DYSF: variants seen among roughly 807,000 people sequenced by gnomAD.
The protein encoded by DYSF is dystrophy-associated fer-1-like 1.
Under a neutral mutation model 274.9 loss-of-function variants are expected in DYSF, and 212 were observed. The ratio of observed to expected loss-of-function variants is 0.77; its 90% CI spans 0.69 to 0.86. The LOEUF is 0.86. Among genes scored for constraint, DYSF ranks in the 40% least tolerant of loss-of-function variants. The pLI is 0.00. For missense variants in DYSF, 2,666 were observed against 2,783.2 expected (o/e 0.96, Z 0.95); for synonymous variants, 1,091 against 1,078.7 (o/e 1.01, Z -0.22).
At chr2:71,664,149 G>A (rs554504671) in intron 45 of DYSF, 119 bp from the exon 46 acceptor site, 1 of 1,310,376 alleles carries the variant, frequency 7.6e-7, no homozygotes, top group Non-Finnish European at 1.1e-6. Flanking sequence ...GGGCCTGTAA[G>A]ATCTGTAGGG....
At chr2:71,481,358 G>T (rs1199167048) in intron 2 of DYSF, among the ~76,000 whole-genome samples, 1 of 152,182 alleles carries the variant, frequency 6.6e-6, no homozygotes, top group Non-Finnish European at 1.5e-5. Context: ...TGCATACATG[G>T]CTCCCGGGTG....
In DYSF at chr2:71,670,144, C is replaced by A. The variant is rs76992646; in HGVS notation, c.5784+398C>A. ...CACCATCTCTGCATCCACCCCTTTT[C>A]CACTCTCTTCCACCATCTTTCCCAT... On this transcript the variant is annotated intron_variant, in intron 51 of 55. Coordinates refer to ENST00000410020, the MANE Select transcript of DYSF (RefSeq NM_001130987.2). Among the ~76,000 whole-genome samples the A allele has an allele frequency of 5.3e-5, 8 of 152,308 alleles. No homozygotes were observed. In the East Asian group the frequency reaches 1.5e-3, roughly 29 times the overall value.
At chr2:71,678,569 T>C (rs1031175787) in intron 52 of DYSF, among the ~76,000 whole-genome samples, 7 of 151,690 alleles carry the variant, frequency 4.6e-5, no homozygotes, top group South Asian at 2.1e-4. Flanking sequence ...GGGTGCAGAG[T>C]TTTTGTTTGG....
chr2:71,672,017 G>A (rs1031251115), intron 51 of DYSF, among the ~76,000 whole-genome samples: 8 of 152,166 alleles, frequency 5.3e-5, no homozygotes, highest in Non-Finnish European at 1.2e-4. Context: ...GAGGCTCACT[G>A]GGAGGGAAGG....
chr2:71,514,053 CT>C (rs2086391368), intron 7 of DYSF, 132 bp downstream of exon 7: 1 of 1,053,696 alleles, frequency 9.5e-7, no homozygotes, highest in Non-Finnish European at 1.4e-6. Context: ...GTGGGGGAAT[CT>C]GTAGTTTCCC....
At chr2:71,635,308 CA>C (rs1227093418) in intron 41 of DYSF, among the ~76,000 whole-genome samples, 1 of 152,204 alleles carries the variant, frequency 6.6e-6, no homozygotes, top group East Asian at 1.9e-4. Context: ...GGCACATGAT[CA>C]GCCTTTGTAA....
chr2:71,510,132 A>G (rs1376341836), intron 4 of DYSF, among the ~76,000 whole-genome samples: 1 of 152,246 alleles, frequency 6.6e-6, no homozygotes, highest in Non-Finnish European at 1.5e-5. Context: ...TTTCTGGTGC[A>G]AGAAGATGGT....
In DYSF at chr2:71,545,942, A is replaced by G. The variant is rs373937623; in HGVS notation, c.1577-5099A>G. ...TTCAAAGTCGGGACCACCTTCCATC[A>G]CAGATGGTTCTGGAAAGAAATGAGA... is the stretch of plus-strand genomic sequence containing the variant. On this transcript the variant is annotated intron_variant, in intron 17 of 55. Coordinates refer to ENST00000410020, the MANE Select transcript of DYSF (RefSeq NM_001130987.2). Among the ~76,000 whole-genome samples, 4 of 152,376 alleles carry G rather than the reference A, an allele frequency of 2.6e-5. No homozygotes were observed. The East Asian group carries it at 5.8e-4, about 22-fold the overall frequency.
intron 17 of DYSF, among the ~76,000 whole-genome samples, chr2:71,543,717 T>C (rs2090177697): frequency 6.6e-6 from 1 of 152,008 alleles, no homozygotes; most frequent in Non-Finnish European, 1.5e-5. Context: ...CGAAAACCAG[T>C]CAGGCGTGGC....
intron 54 of DYSF, among the ~76,000 whole-genome samples, chr2:71,682,089 C>T (rs1573199024): frequency 1.3e-5 from 2 of 152,028 alleles, no homozygotes; most frequent in East Asian, 1.9e-4. Flanking sequence ...CTCTTCCCAC[C>T]GTTGTTCCCT....
intron 42 of DYSF, among the ~76,000 whole-genome samples, chr2:71,649,815 C>A (rs1385533840): frequency 6.6e-6 from 1 of 152,118 alleles, no homozygotes; most frequent in South Asian, 2.1e-4. Context: ...TTACTAATTA[C>A]AAAATTTAAA....
intron 32 of DYSF, among the ~76,000 whole-genome samples, chr2:71,596,303 A>G (rs944904381): frequency 3.9e-5 from 6 of 152,130 alleles, no homozygotes; most frequent in African/African-American, 1.2e-4. Context: ...ACACCAATAC[A>G]GCGTGCACAG....
rs532850915 is a variant in DYSF at position 71,526,199 on chromosome 2, C to T, written c.1150-21C>T. On this transcript the variant is annotated intron_variant, in intron 12 of 55. Coordinates refer to ENST00000410020, the MANE Select transcript of DYSF (RefSeq NM_001130987.2). ...TGTGCTCAGGAGCGCATGAAGGAAT[C>T]GTATTTGGTTTTCTTTGTAGCTGGA... 42 of 1,614,166 alleles carry T rather than the reference C, an allele frequency of 2.6e-5. No homozygotes were observed. In the Middle Eastern group the frequency reaches 6.6e-4, roughly 25 times the overall value.
At chr2:71,464,729 C>A (rs971123175), upstream of DYSF, among the ~76,000 whole-genome samples, 5 of 152,006 alleles carry the variant, frequency 3.3e-5, no homozygotes, top group African/African-American at 9.7e-5. Context: ...GAGATGGGAG[C>A]CAACGGAAGA....
At chr2:71,644,140 C>T in intron 42 of DYSF, 77 bp downstream of exon 42, 1 of 1,196,036 alleles carries the variant, frequency 8.4e-7, no homozygotes, top group African/African-American at 1.5e-5. Context: ...AAAGAGAGCT[C>T]ATGCAGTAGA....
intron 32 of DYSF, among the ~76,000 whole-genome samples, chr2:71,591,492 G>A (rs192380662): frequency 2.9e-3 from 441 of 152,364 alleles, no homozygotes; most frequent in Non-Finnish European, 4.6e-3. Flanking sequence ...GTGCCCAGGC[G>A]TTTTGCTGAC....
At position 71,513,857 on chromosome 2, in the gene DYSF, T is replaced by G. The variant is rs1388145373; in HGVS notation, c.695T>G (p.Ile232Ser). Residue 232 changes from isoleucine to serine, a missense_variant, in exon 7 of 56, where the codon ATC (isoleucine) becomes AGC (serine). Physicochemically the swap from Ile to Ser is moderately radical, Grantham distance 142. Around this residue, in one of 3 missense-constraint regions of DYSF, gnomAD observed 794 missense variants for 777.1 expected, o/e 1.02. Coordinates refer to ENST00000410020, the MANE Select transcript of DYSF (RefSeq NM_001130987.2). ...PSRPPPHYPG[I>S]KRKRSAPTSR... Reference sequence around the variant, plus strand: ...CGTCCTCCGCCCCACTACCCCGGGATCAAAAGAAAGCGAAGTGCGCCTACA... The same window carrying G: ...CGTCCTCCGCCCCACTACCCCGGGAGCAAAAGAAAGCGAAGTGCGCCTACA... 1.2e-6 allele frequency: 2 copies of G among 1,614,120 alleles called. No homozygotes were observed. The highest frequency in any genetic ancestry group is 1.7e-6 in the Non-Finnish European group (2 of 1,180,002).
chr2:71,567,910 C>T lies in DYSF; in HGVS notation c.2566-41C>T, dbSNP rs201616348. On this transcript the variant is annotated intron_variant, in intron 24 of 55. Transcript: ENST00000410020. ...AGCCTCTCACTGGGACATCCGGATC[C>T]TGAAGGGGACTGTGGGTTTCTGTCC... 45 of 1,610,658 alleles carry T rather than the reference C, an allele frequency of 2.8e-5. No homozygotes were observed. In the East Asian group the frequency reaches 9.6e-4, roughly 34 times the overall value.
chr2:71,515,886 C>T lies in DYSF; in HGVS notation c.888+135C>T, dbSNP rs2086602680. 5 of 1,334,606 alleles carry T rather than the reference C, an allele frequency of 3.7e-6. No homozygotes were observed. In the South Asian group the frequency reaches 5.6e-5, roughly 15 times the overall value. The allele number at this position is 1,334,606 out of a possible 1,614,324, so 82.7% of individuals were successfully genotyped here. A position where few individuals can be genotyped will look rare whatever the true frequency, so the allele number is the denominator to read the frequency against. On this transcript the variant is annotated intron_variant, in intron 8 of 55. Transcript: ENST00000410020. The stretch of plus-strand genomic sequence containing the variant: ...TTGGGTGGTGAGATGTGCTGGCTCC[C>T]AAGGAGGTTATCTGTGGGACTGGAG...
Sources: allele counts gnomAD v4.1 joint callset (sites outside exome capture counted in the v4.1 genomes callset), GRCh38; gene constraint gnomAD v4.1.1; regional missense constraint gnomAD v4.1.1; transcripts MANE v1.5; gene names NCBI Gene and HGNC (gene_info 2026-07-23, HGNC 2026-07-21).